Variants in TIA1 observed in about 807,000 individuals in gnomAD.
The protein encoded by TIA1 is cytotoxic granule associated RNA binding protein TIA1.
TIA1 carries 23 observed loss-of-function variants against 65.9 expected under a neutral mutation model. The observed-to-expected ratio is 0.35, with a 90% confidence interval of 0.25 to 0.49. TIA1 has a LOEUF of 0.49. Ranked by LOEUF, TIA1 falls within the 20% of genes least tolerant of loss-of-function variation. The pLI is 0.98. For synonymous variants in TIA1, 147 were observed against 149.4 expected (o/e 0.98, Z 0.12); for missense variants, 371 against 477.9 (o/e 0.78, Z 2.09).
At chr2:70,215,520 C>A in intron 10 of TIA1, 26 bp from the exon 11 acceptor site, 1 of 1,580,702 alleles carries the variant, frequency 6.3e-7, no homozygotes, top group Non-Finnish European at 8.6e-7. Context: ...TTAAGAATCA[C>A]CAATACAAAT....
intron 1 of TIA1, among the ~76,000 whole-genome samples, chr2:70,239,461 G>A (rs1305712216): frequency 6.6e-6 from 1 of 152,232 alleles, no homozygotes; most frequent in East Asian, 1.9e-4. Context: ...ATTTTACAGA[G>A]TTAGAGGTTT....
intron 1 of TIA1, among the ~76,000 whole-genome samples, 164 bp downstream of exon 1, chr2:70,248,239 TCA>T (rs1364722022): frequency 6.6e-6 from 1 of 152,244 alleles, no homozygotes; most frequent in Admixed American, 6.5e-5. Context: ...CACCTCGTCC[TCA>T]CAGATTGGGT....
At chr2:70,241,159 G>A (rs1375762091) in intron 1 of TIA1, among the ~76,000 whole-genome samples, 1 of 151,930 alleles carries the variant, frequency 6.6e-6, no homozygotes, top group Non-Finnish European at 1.5e-5. Context: ...TTAAAAATTG[G>A]TTTTGGGACA....
intron 11 of TIA1, among the ~76,000 whole-genome samples, chr2:70,214,827 G>C (rs1258932603): frequency 6.6e-6 from 1 of 152,120 alleles, no homozygotes; most frequent in Non-Finnish European, 1.5e-5. Flanking sequence ...CCTTTAGATA[G>C]GGAAGATGTG....
chr2:70,225,200 C>G (rs1218290163), intron 6 of TIA1: 2 of 1,063,684 alleles, frequency 1.9e-6, no homozygotes, highest in African/African-American at 1.7e-5. Flanking sequence ...TAGACACACA[C>G]AAGTTTTAAG....
At chr2:70,246,243 A>G (rs1182764611) in intron 1 of TIA1, among the ~76,000 whole-genome samples, 1 of 152,164 alleles carries the variant, frequency 6.6e-6, no homozygotes, top group Non-Finnish European at 1.5e-5. Context: ...AGTTTCTTAA[A>G]CAAATGTATT....
intron 8 of TIA1, 61 bp from the exon 9 acceptor site, chr2:70,216,560 G>A: frequency 6.6e-7 from 1 of 1,506,204 alleles, no homozygotes; most frequent in Non-Finnish European, 9.2e-7. Context: ...AAAGAGAAAA[G>A]TAGCATTCAC....
intron 1 of TIA1, among the ~76,000 whole-genome samples, chr2:70,240,730 G>C (rs1438868430): frequency 6.6e-6 from 1 of 152,162 alleles, no homozygotes; most frequent in Non-Finnish European, 1.5e-5. Flanking sequence ...AAATCAGCCA[G>C]GTGTGGTGGC....
intron 5 of TIA1, 166 bp from the exon 6 acceptor site, chr2:70,227,988 G>C: frequency 2.6e-6 from 1 of 377,774 alleles, no homozygotes. Flanking sequence ...TTTAAACAAT[G>C]AATCAAGGTA....
intron 3 of TIA1, 138 bp downstream of exon 3, chr2:70,230,618 C>T (rs375283755): frequency 6.9e-6 from 4 of 581,832 alleles, no homozygotes; most frequent in Non-Finnish European, 1.2e-5. Flanking sequence ...TGCCATTGCA[C>T]TCCAGATTGG....
intron 6 of TIA1, among the ~76,000 whole-genome samples, chr2:70,225,735 T>C (rs930900988): frequency 1.3e-5 from 2 of 152,216 alleles, no homozygotes; most frequent in South Asian, 2.1e-4. Context: ...ATGTTCAATA[T>C]GCAAAAATAC....
At position 70,209,830 on chromosome 2, in the gene TIA1, T is replaced by C. The variant is rs1676041953; in HGVS notation, c.*2889A>G. 1 of 397,500 alleles carries C rather than the reference T, an allele frequency of 2.5e-6. No individual in the cohort carries two copies. The highest frequency in any genetic ancestry group is 4.4e-6 in the Non-Finnish European group (1 of 225,798). 24.6% of individuals were successfully genotyped at this position (397,500 alleles called of 1,614,324 possible). ...AATTCAACTGTAACCTCAGGACCAC[T>C]GTACAGCACTTAGTAAACCTGTCTT... is the stretch of plus-strand genomic sequence containing the variant. On this transcript the variant is annotated 3_prime_UTR_variant, in exon 13 of 13. Coordinates refer to ENST00000433529, the MANE Select transcript of TIA1 (RefSeq NM_022173.4).
Position 70,211,438 on chromosome 2 carries a change from T to A in TIA1, c.*1281A>T, listed in dbSNP as rs1260619165. The A allele has an allele frequency of 6.6e-6, 1 of 152,052 alleles. No individual in the cohort carries two copies. Among genetic ancestry groups the A allele is most frequent in the African/African-American group, 2.4e-5 (1 of 41,406 alleles). The allele number at this position is 152,052 out of a possible 1,614,324, so 9.4% of individuals were successfully genotyped here. On this transcript the variant is annotated 3_prime_UTR_variant, in exon 13 of 13. Coordinates refer to ENST00000433529, the MANE Select transcript of TIA1 (RefSeq NM_022173.4). ...TTTTAAGGTTTTTTTTTTGTTTATC[T>A]TTTGGCCTCTGAACATTTAAAAGAT...
At chr2:70,236,202 CTTT>C (rs762400931) in intron 1 of TIA1, 27 bp from the exon 2 acceptor site, 191 of 1,177,616 alleles carry the variant, frequency 1.6e-4, no homozygotes, top group Admixed American at 2.2e-4. Context: ...AACAATTTAC[CTTT>C]TTTTTTTTTT....
intron 2 of TIA1, among the ~76,000 whole-genome samples, chr2:70,234,099 G>A (rs1687737784): frequency 6.6e-6 from 1 of 152,182 alleles, no homozygotes; most frequent in African/African-American, 2.4e-5. Context: ...GGAAACATAT[G>A]ACCAGCCAGA....
intron 2 of TIA1, 108 bp downstream of exon 2, chr2:70,235,971 T>A (rs1319380968): frequency 1.4e-5 from 8 of 580,078 alleles, no homozygotes. Flanking sequence ...AAACTAATAA[T>A]TTATACTATA....
intron 2 of TIA1, 156 bp downstream of exon 2, chr2:70,235,923 T>C (rs545717864): frequency 4.9e-5 from 22 of 446,550 alleles, no homozygotes; most frequent in Non-Finnish European, 7.1e-5. Flanking sequence ...CCTATTAACT[T>C]AGAATATGGT....
At chr2:70,246,199 T>C (rs933112579) in intron 1 of TIA1, among the ~76,000 whole-genome samples, 7 of 152,184 alleles carry the variant, frequency 4.6e-5, no homozygotes, top group African/African-American at 1.4e-4. Context: ...GTTAGGATTA[T>C]AGGCGTGAGC....
At chr2:70,248,706 G>C, upstream of TIA1, 1 of 524,818 alleles carries the variant, frequency 1.9e-6, no homozygotes, top group South Asian at 2.7e-5. Flanking sequence ...CTCAACCTCC[G>C]GGCCGCCCGG....
Sources: allele counts gnomAD v4.1 joint callset (sites outside exome capture counted in the v4.1 genomes callset), GRCh38; gene constraint gnomAD v4.1.1; transcripts MANE v1.5; gene names NCBI Gene and HGNC (gene_info 2026-07-23, HGNC 2026-07-21).